Variants in DLG2 observed in about 807,000 individuals in gnomAD.
The protein encoded by DLG2 is discs large MAGUK scaffold protein 2.
In DLG2, 45 loss-of-function variants were observed where a neutral mutation model predicts 132.5. The observed-to-expected ratio is 0.34, with a 90% confidence interval of 0.27 to 0.44. DLG2 has a LOEUF of 0.44. Among genes scored for constraint, DLG2 ranks in the 20% least tolerant of loss-of-function variants. The pLI is 1.00. For missense variants in DLG2, 1,045 were observed against 1,196.9 expected (o/e 0.87, Z 1.87); for synonymous variants, 424 against 419.6 (o/e 1.01, Z -0.13).
intron 7 of DLG2, among the ~76,000 whole-genome samples, chr11:84,526,940 G>A (rs1002756342): frequency 2.6e-4 from 39 of 151,864 alleles, no homozygotes; most frequent in Admixed American, 4.6e-4. Flanking sequence ...CACCACGCCC[G>A]GCTAATTTTT....
At chr11:84,385,837 G>A (rs371958916) in intron 7 of DLG2, among the ~76,000 whole-genome samples, 3 of 152,026 alleles carry the variant, frequency 2.0e-5, no homozygotes, top group African/African-American at 4.8e-5. Flanking sequence ...CTGTATGCAC[G>A]CATAATTTTG....
At position 83,963,161 on chromosome 11, in the gene DLG2, G is replaced by T. The variant is rs932371667; in HGVS notation, c.1202-138C>A. On this transcript the variant is annotated intron_variant, in intron 13 of 27. Coordinates refer to ENST00000376104, the MANE Select transcript of DLG2 (RefSeq NM_001142699.3). ...GTTTTTCTTGTCCTCCCAGAGGGGG[G>T]AGTTGCAGCTTATTTGCATTTAATA... 1.3e-4 allele frequency: 110 copies of T among 848,996 alleles called. No homozygotes were observed. In the Middle Eastern group the frequency reaches 2.7e-3, roughly 20 times the overall value. 52.6% of individuals were successfully genotyped at this position (848,996 alleles called of 1,614,324 possible). A position where few individuals can be genotyped will look rare whatever the true frequency, so the allele number is the denominator to read the frequency against.
chr11:84,410,602 T>C (rs939844760), intron 7 of DLG2, among the ~76,000 whole-genome samples: 8 of 140,702 alleles, frequency 5.7e-5, no homozygotes, highest in Admixed American at 2.2e-4. Flanking sequence ...TTTTTTGAGA[T>C]GAAGTTTCGC....
intron 3 of DLG2, among the ~76,000 whole-genome samples, chr11:85,356,748 A>C (rs959889417): frequency 6.6e-6 from 1 of 151,840 alleles, no homozygotes; most frequent in Non-Finnish European, 1.5e-5. Flanking sequence ...TGTTTACTAC[A>C]GCATGCCCAG....
chr11:84,405,042 G>A (rs2098843776), intron 7 of DLG2, among the ~76,000 whole-genome samples: 12 of 152,084 alleles, frequency 7.9e-5, no homozygotes, highest in Admixed American at 7.9e-4. Context: ...CAAAGGAAAT[G>A]AATATCCTCT....
chr11:84,675,537 G>A (rs2099710353), intron 6 of DLG2, among the ~76,000 whole-genome samples: 1 of 152,040 alleles, frequency 6.6e-6, no homozygotes, highest in Non-Finnish European at 1.5e-5. Context: ...AAACCCTAGT[G>A]GCTCCTGGGC....
chr11:84,126,022 A>G (rs2094154060), intron 9 of DLG2, among the ~76,000 whole-genome samples: 1 of 152,166 alleles, frequency 6.6e-6, no homozygotes, highest in Admixed American at 6.5e-5. Context: ...GAAAGTTTTT[A>G]AAAATTGCAT....
chr11:84,994,144 G>A (rs1324976455), intron 6 of DLG2, among the ~76,000 whole-genome samples: 1 of 152,080 alleles, frequency 6.6e-6, no homozygotes, highest in African/African-American at 2.4e-5. Flanking sequence ...GTCAACATTT[G>A]GGATTGGTTT....
chr11:84,260,467 C>A (rs979906796), intron 7 of DLG2, among the ~76,000 whole-genome samples: 3 of 152,132 alleles, frequency 2.0e-5, no homozygotes, highest in Non-Finnish European at 2.9e-5. Context: ...CAGATCAACA[C>A]TGAAACACAA....
At chr11:83,863,220 A>C (rs563691205) in intron 16 of DLG2, among the ~76,000 whole-genome samples, 1 of 152,270 alleles carries the variant, frequency 6.6e-6, no homozygotes, top group African/African-American at 2.4e-5. Context: ...TTTGTGTGTA[A>C]ATAAGGAGGT....
At chr11:84,452,702 G>A (rs2099054968) in intron 7 of DLG2, among the ~76,000 whole-genome samples, 1 of 151,620 alleles carries the variant, frequency 6.6e-6, no homozygotes, top group African/African-American at 2.4e-5. Flanking sequence ...AACCAGAAAG[G>A]TCATCTCATC....
intron 18 of DLG2, among the ~76,000 whole-genome samples, chr11:83,635,825 C>T (rs1021880803): frequency 1.3e-5 from 2 of 152,120 alleles, no homozygotes; most frequent in African/African-American, 4.8e-5. Context: ...TTTGCTATCA[C>T]AAACAGGGAT....
At chr11:85,265,876 C>A (rs2077182440) in intron 4 of DLG2, among the ~76,000 whole-genome samples, 1 of 152,152 alleles carries the variant, frequency 6.6e-6, no homozygotes, top group South Asian at 2.1e-4. Flanking sequence ...TTTCCAGCTC[C>A]CCTGTCTGCT....
intron 5 of DLG2, among the ~76,000 whole-genome samples, chr11:85,115,992 C>A (rs186103069): frequency 6.6e-6 from 1 of 151,924 alleles, no homozygotes; most frequent in East Asian, 1.9e-4. Context: ...CACAAGAGGC[C>A]CTCCTGAGTT....
intron 8 of DLG2, among the ~76,000 whole-genome samples, chr11:84,175,034 T>C (rs961929274): frequency 2.6e-5 from 4 of 152,204 alleles, no homozygotes; most frequent in Non-Finnish European, 4.4e-5. Flanking sequence ...GAGAATCTTG[T>C]TCATCCTCAT....
At chr11:85,104,641 T>C (rs1241260105) in intron 6 of DLG2, among the ~76,000 whole-genome samples, 2 of 151,848 alleles carry the variant, frequency 1.3e-5, no homozygotes, top group African/African-American at 2.4e-5. Flanking sequence ...ATTGGAGTGA[T>C]AGTTGTACAA....
At chr11:84,147,500 T>C (rs2095128631) in intron 9 of DLG2, among the ~76,000 whole-genome samples, 1 of 152,166 alleles carries the variant, frequency 6.6e-6, no homozygotes, top group African/African-American at 2.4e-5. Context: ...CAAAATATCA[T>C]AGTCTCAAAC....
chr11:85,298,522 A>T (rs1196750279), intron 3 of DLG2, among the ~76,000 whole-genome samples: 1 of 152,112 alleles, frequency 6.6e-6, no homozygotes, highest in African/African-American at 2.4e-5. Flanking sequence ...GTCACAAAAA[A>T]AGAAAAAAGT....
intron 7 of DLG2, among the ~76,000 whole-genome samples, chr11:84,348,914 T>C (rs1234396688): frequency 2.0e-5 from 3 of 152,106 alleles, no homozygotes; most frequent in Non-Finnish European, 4.4e-5. Context: ...GGAACAGAGC[T>C]TCCTCATAGT....
Sources: gnomAD v4.1 joint callset for allele counts (sites outside exome capture counted in the v4.1 genomes callset) on GRCh38, gnomAD v4.1.1 for gene constraint, MANE v1.5 for transcripts, NCBI Gene and HGNC (gene_info 2026-07-23, HGNC 2026-07-21) for gene names.